Variants in DIPK1A observed in about 807,000 individuals in gnomAD.
DIPK1A encodes family with sequence similarity 69 member A.
DIPK1A carries 27 observed loss-of-function variants against 40.8 expected under a neutral mutation model. The observed-to-expected ratio is 0.66, with a 90% confidence interval of 0.49 to 0.91. The LOEUF (loss-of-function observed/expected upper bound fraction) is 0.91. Ranked by LOEUF, DIPK1A falls within the 40% of genes least tolerant of loss-of-function variation. DIPK1A has a pLI of 0.00. For missense variants in DIPK1A, 412 were observed against 505.7 expected (o/e 0.81, Z 1.78); for synonymous variants, 166 against 171.3 (o/e 0.97, Z 0.24).
At chr1:92,888,379 A>G (rs1438285109) in intron 1 of DIPK1A, among the ~76,000 whole-genome samples, 1 of 152,194 alleles carries the variant, frequency 6.6e-6, no homozygotes, top group East Asian at 1.9e-4. Context: ...ATTGCTTTTT[A>G]TAGCTAGATA....
intron 1 of DIPK1A, among the ~76,000 whole-genome samples, chr1:92,953,934 A>G (rs540163792): frequency 3.3e-4 from 50 of 152,294 alleles, no homozygotes; most frequent in African/African-American, 1.2e-3. Context: ...AAAAAATGAA[A>G]CAGAAAAAAA....
At chr1:92,835,061 C>A in intron 4 of DIPK1A, 1 of 1,115,588 alleles carries the variant, frequency 9.0e-7, no homozygotes, top group Non-Finnish European at 1.3e-6. Flanking sequence ...ATGGATCTAT[C>A]TAGGTCAGCT....
intron 1 of DIPK1A, among the ~76,000 whole-genome samples, chr1:92,928,419 T>C (rs1650605062): frequency 6.6e-6 from 1 of 152,228 alleles, no homozygotes; most frequent in Non-Finnish European, 1.5e-5. Flanking sequence ...TTGAAGAAAT[T>C]AAGAAAATAA....
intron 1 of DIPK1A, among the ~76,000 whole-genome samples, chr1:92,900,335 A>G (rs988421413): frequency 1.1e-4 from 16 of 151,870 alleles, no homozygotes; most frequent in African/African-American, 3.6e-4. Context: ...TGACTGGGTA[A>G]TTTCAAATGA....
At position 92,836,580 on chromosome 1, in the gene DIPK1A, G is replaced by T. The variant is rs1687137434; in HGVS notation, c.475-3546C>A. 6 of 609,792 alleles carry T rather than the reference G, an allele frequency of 9.8e-6. No homozygotes were observed. The East Asian group carries it at 1.7e-4, about 18-fold the overall frequency. The allele number at this position is 609,792 out of a possible 1,614,324, so 37.8% of individuals were successfully genotyped here. A position where few individuals can be genotyped will look rare whatever the true frequency, so the allele number is the denominator to read the frequency against. ...AGCCCATTTTATAAATTAAGAGTCT[G>T]AGGCCCAGAGTTATTTGTCCCAAGT... On this transcript the variant is annotated intron_variant, in intron 4 of 4. Transcript: ENST00000615519.
rs1687435239 is a variant in DIPK1A at position 92,842,978 on chromosome 1, A to T, written c.*405T>A. Reference sequence around the variant, plus strand: ...AATGTGCAAACTTTACCATGCTAAGACATTAGTAAATTTATAAATTTTCTT... The same window carrying T: ...AATGTGCAAACTTTACCATGCTAAGTCATTAGTAAATTTATAAATTTTCTT... On this transcript the variant is annotated 3_prime_UTR_variant, in exon 5 of 5. Coordinates refer to ENST00000370310, the MANE Select transcript of DIPK1A (RefSeq NM_001006605.5). 2.6e-5 allele frequency: 26 copies of T among 993,852 alleles called. No individual in the cohort carries two copies. The highest frequency in any genetic ancestry group is 3.0e-5 in the Non-Finnish European group (25 of 835,474). The allele number at this position is 993,852 out of a possible 1,614,324, so 61.6% of individuals were successfully genotyped here. A position where few individuals can be genotyped will look rare whatever the true frequency, so the allele number is the denominator to read the frequency against.
intron 1 of DIPK1A, among the ~76,000 whole-genome samples, chr1:92,919,266 C>T (rs577694787): frequency 7.9e-5 from 12 of 152,140 alleles, no homozygotes; most frequent in Admixed American, 2.0e-4. Flanking sequence ...ATTCTCTTAA[C>T]TAAAAAGTCA....
At chr1:92,851,918 G>A (rs1687838692) in intron 2 of DIPK1A, among the ~76,000 whole-genome samples, 1 of 152,146 alleles carries the variant, frequency 6.6e-6, no homozygotes, top group Non-Finnish European at 1.5e-5. Flanking sequence ...AACTCTATTT[G>A]GCACCATGAA....
At chr1:92,908,176 A>T (rs1649698074) in intron 1 of DIPK1A, among the ~76,000 whole-genome samples, 1 of 152,230 alleles carries the variant, frequency 6.6e-6, no homozygotes, top group Non-Finnish European at 1.5e-5. Flanking sequence ...AGCTGTATGT[A>T]CAGGTCTATG....
chr1:92,935,184 T>C (rs1650900098), intron 1 of DIPK1A, among the ~76,000 whole-genome samples: 1 of 152,212 alleles, frequency 6.6e-6, no homozygotes, highest in Non-Finnish European at 1.5e-5. Flanking sequence ...CAGTTCAATA[T>C]TTCCACCTCT....
chr1:92,955,732 AAG>A (rs1485409091), intron 1 of DIPK1A, among the ~76,000 whole-genome samples: 5 of 148,174 alleles, frequency 3.4e-5, no homozygotes, highest in Admixed American at 1.4e-4. Flanking sequence ...AGAAAGAAAA[AAG>A]AAAAAAAAAT....
At chr1:92,835,679 AT>A (rs1474225410) in intron 4 of DIPK1A, among the ~76,000 whole-genome samples, 6 of 150,976 alleles carry the variant, frequency 4.0e-5, no homozygotes, top group Non-Finnish European at 8.9e-5. Context: ...AAAAAAAAAA[AT>A]GAGAATCTTA....
chr1:92,907,104 T>G (rs887631950), intron 1 of DIPK1A, among the ~76,000 whole-genome samples: 4 of 152,152 alleles, frequency 2.6e-5, no homozygotes, highest in Non-Finnish European at 4.4e-5. Context: ...ATTGGGGAAA[T>G]AATATAATAA....
intron 2 of DIPK1A, among the ~76,000 whole-genome samples, chr1:92,859,452 G>A (rs1557456755): frequency 1.3e-5 from 2 of 151,912 alleles, no homozygotes; most frequent in South Asian, 4.2e-4. Flanking sequence ...TCCTTCCTTC[G>A]GTTATAATAG....
intron 2 of DIPK1A, among the ~76,000 whole-genome samples, chr1:92,864,682 T>C (rs552637384): frequency 9.9e-5 from 15 of 152,040 alleles, no homozygotes; most frequent in Non-Finnish European, 1.9e-4. Flanking sequence ...AGACACCAAA[T>C]AGGATTTGCT....
intron 2 of DIPK1A, among the ~76,000 whole-genome samples, chr1:92,867,897 C>T (rs1006572528): frequency 6.6e-6 from 1 of 152,132 alleles, no homozygotes; most frequent in Non-Finnish European, 1.5e-5. Context: ...AATGGAACAG[C>T]TACAGCAATC....
intron 4 of DIPK1A, chr1:92,835,344 A>T (rs1163841047): frequency 3.8e-6 from 1 of 261,400 alleles, no homozygotes; most frequent in Non-Finnish European, 7.6e-6. Context: ...CAAGTGATTT[A>T]TATGCACATT....
chr1:92,957,737 A>G (rs1239119828), intron 1 of DIPK1A, among the ~76,000 whole-genome samples: 2 of 152,264 alleles, frequency 1.3e-5, no homozygotes, highest in East Asian at 3.8e-4. Context: ...ATGGAGATAT[A>G]CTAATAATTC....
downstream of DIPK1A, among the ~76,000 whole-genome samples, chr1:92,839,414 T>C (rs1687264894): frequency 6.6e-6 from 1 of 152,148 alleles, no homozygotes; most frequent in South Asian, 2.1e-4. Context: ...TCAGGAAAAC[T>C]TCTGACATCT....
Sources: allele counts gnomAD v4.1 joint callset (sites outside exome capture counted in the v4.1 genomes callset), GRCh38; gene constraint gnomAD v4.1.1; transcripts MANE v1.5; gene names NCBI Gene and HGNC (gene_info 2026-07-23, HGNC 2026-07-21).